Variants in SEC11C observed in about 807,000 individuals in gnomAD.
SEC11C encodes the protein SEC11 homolog C, signal peptidase complex subunit, also known as signal peptidase complex catalytic subunit SEC11C.
In SEC11C, 10 loss-of-function variants were observed where a neutral mutation model predicts 21.9. The ratio of observed to expected loss-of-function variants is 0.46; its 90% CI spans 0.28 to 0.77. The LOEUF (loss-of-function observed/expected upper bound fraction) is 0.77, where lower values mean the gene tolerates loss of function less well. Ranked by LOEUF, SEC11C falls within the 30% of genes least tolerant of loss-of-function variation. SEC11C has a pLI of 0.12. For missense variants in SEC11C, 145 were observed against 244.5 expected (o/e 0.59, Z 2.71); for synonymous variants, 83 against 85.6 (o/e 0.97, Z 0.17).
chr18:59,157,388 A>ACC, intron 4 of SEC11C: 1 of 447,222 alleles, frequency 2.2e-6, no homozygotes, highest in South Asian at 4.3e-5. Flanking sequence ...CACTATCTCA[A>ACC]CCCAAGTGCC....
intron 1 of SEC11C, among the ~76,000 whole-genome samples, chr18:59,143,310 G>A (rs545107158): frequency 2.1e-5 from 3 of 140,480 alleles, no homozygotes; most frequent in African/African-American, 8.2e-5. Flanking sequence ...CAGAGATCGC[G>A]CCATTGCACT....
At chr18:59,145,260 T>C (rs1159496835) in intron 1 of SEC11C, among the ~76,000 whole-genome samples, 1 of 152,226 alleles carries the variant, frequency 6.6e-6, no homozygotes, top group Non-Finnish European at 1.5e-5. Context: ...TTTTACATAT[T>C]GTCTATGGCT....
Position 59,140,002 on chromosome 18 carries a change from C to T in SEC11C, c.54C>T (p.Ile18=), listed in dbSNP as rs1188820098. Residue 18 remains isoleucine (I), a synonymous_variant, in exon 1 of 6, where the codon ATC becomes ATT. Transcript: ENST00000587834. ...ATCTCCCCGCGTCCGGCTTGGATATCTTCGGGGACCTGAAGAAGATGAACA... is the reference window on the plus strand; with the variant it reads ...ATCTCCCCGCGTCCGGCTTGGATATTTTCGGGGACCTGAAGAAGATGAACA... ...GAHLPASGLD[I]FGDLKKMNKR... 6 of 1,593,140 alleles carry T rather than the reference C, an allele frequency of 3.8e-6. No homozygotes were observed. Among genetic ancestry groups the T allele is most frequent in the East Asian group, 2.3e-5 (1 of 43,876 alleles).
intron 2 of SEC11C, among the ~76,000 whole-genome samples, chr18:59,152,328 C>T (rs2144038821): frequency 6.6e-6 from 1 of 152,194 alleles, no homozygotes; most frequent in Non-Finnish European, 1.5e-5. Flanking sequence ...GCAGAGGGTC[C>T]TGTCAGTGCT....
At chr18:59,156,526 G>T (rs913580574) in intron 4 of SEC11C, 1 of 151,914 alleles carries the variant, frequency 6.6e-6, no homozygotes, top group Non-Finnish European at 1.5e-5. Flanking sequence ...CCTGTTTTTC[G>T]CAACTAAAAA....
chr18:59,149,650 T>C, intron 2 of SEC11C, 28 bp downstream of exon 2: 1 of 1,456,594 alleles, frequency 6.9e-7, no homozygotes, highest in Non-Finnish European at 9.6e-7. Flanking sequence ...GCCTCCAGCC[T>C]CCAACCTCCA....
Position 59,158,717 on chromosome 18 carries a change from ATGAAT to A in SEC11C, c.*34_*38del, listed in dbSNP as rs774975261. On this transcript the variant is annotated 3_prime_UTR_variant, in exon 6 of 6. Coordinates refer to ENST00000587834, the MANE Select transcript of SEC11C (RefSeq NM_033280.4). ...AAGCAGTTCCTGGGACCAGATTGAAATGAATTCTGTTGAAAAAGAGAAAAACTAAT... is the reference window on the plus strand; with the variant it reads ...AAGCAGTTCCTGGGACCAGATTGAAATCTGTTGAAAAAGAGAAAAACTAAT... 6.4e-7 allele frequency: 1 copy of A among 1,569,434 alleles called. No individual in the cohort carries two copies. Among genetic ancestry groups the A allele is most frequent in the Non-Finnish European group, 8.8e-7 (1 of 1,139,556 alleles).
At chr18:59,158,018 A>ATG (rs2069437442) in intron 5 of SEC11C, among the ~76,000 whole-genome samples, 1 of 152,096 alleles carries the variant, frequency 6.6e-6, no homozygotes, top group South Asian at 2.1e-4. Flanking sequence ...ATACACATAT[A>ATG]TGTATATATA....
chr18:59,141,058 A>C (rs1309416355), intron 1 of SEC11C, among the ~76,000 whole-genome samples: 1 of 152,132 alleles, frequency 6.6e-6, no homozygotes. Flanking sequence ...TTTTGATGGC[A>C]TCCAGTTTCA....
rs1271330896 is a variant in SEC11C at position 59,152,550 on chromosome 18, C to G, written c.212C>G (p.Pro71Arg). The G allele has an allele frequency of 6.2e-7, 1 of 1,604,374 alleles. No homozygotes were observed. Among genetic ancestry groups the G allele is most frequent in the African/African-American group, 1.3e-5 (1 of 74,308 alleles). The change falls in exon 3 of 6, where the codon CCG (proline) becomes CGG (arginine). Residue 71 changes from proline to arginine, a missense_variant. Physicochemically the swap from Pro to Arg is moderately radical, Grantham distance 103. Transcript: ENST00000587834. ...CTTCTTTCCAGTGGCAGTATGGAGC[C>G]GGCCTTTCACAGAGGAGACCTCCTG... ...IVVVLSGSMEPAFHRGDLLFL... is the reference protein window; with the variant it reads ...IVVVLSGSMERAFHRGDLLFL...
At chr18:59,154,125 C>A (rs145513668) in intron 3 of SEC11C, among the ~76,000 whole-genome samples, 3 of 152,188 alleles carry the variant, frequency 2.0e-5, no homozygotes, top group Non-Finnish European at 4.4e-5. Flanking sequence ...CCTGTACTAA[C>A]GGTTACTTGA....
chr18:59,152,635 T>C lies in SEC11C; in HGVS notation c.297T>C (p.Val99=). 6.2e-7 allele frequency: 1 copy of C among 1,613,644 alleles called. No individual in the cohort carries two copies. The highest frequency in any genetic ancestry group is 1.3e-5 in the African/African-American group (1 of 75,032). The part of the protein sequence containing the change: ...IRAGEIVVFK[V]EGRDIPIVHR... ...CTGGTGAAATAGTTGTTTTTAAAGT[T>C]GAAGGACGAGACATTCCAATAGTTC... The change falls in exon 3 of 6, where the codon GTT becomes GTC. Residue 99 remains valine, a synonymous_variant. Coordinates refer to ENST00000587834, the MANE Select transcript of SEC11C (RefSeq NM_033280.4).
chr18:59,157,721 C>A (rs575137991), intron 5 of SEC11C, 56 bp downstream of exon 5: 2 of 1,205,266 alleles, frequency 1.7e-6, no homozygotes, highest in Non-Finnish European at 2.5e-6. Context: ...GGAGCTTTTA[C>A]TTCTGCAACT....
chr18:59,142,467 T>C lies in SEC11C; in HGVS notation c.87+2432T>C, dbSNP rs572366124. ...TTTGGGGCTTTCCTCATCAGATCTG[T>C]AATTCATAATGAAACAGCGGTTATT... On this transcript the variant is annotated intron_variant, in intron 1 of 5. Transcript: ENST00000587834. Among the ~76,000 whole-genome samples, 25 of 152,318 alleles carry C rather than the reference T, an allele frequency of 1.6e-4. No individual in the cohort carries two copies. The South Asian group carries it at 5.2e-3, about 32-fold the overall frequency.
chr18:59,140,031 G>A lies in SEC11C; in HGVS notation c.83G>A (p.Arg28His). 1 of 1,587,372 alleles carries A rather than the reference G, an allele frequency of 6.3e-7. No homozygotes were observed. The highest frequency in any genetic ancestry group is 2.3e-5 in the East Asian group (1 of 43,710). ...IFGDLKKMNK[R>H]QLYYQVLNFA... ...GGGGACCTGAAGAAGATGAACAAGC[G>A]CCAGGTGACGGAGGAGGGTGGTGAG... Residue 28 changes from arginine to histidine, a missense_variant, in exon 1 of 6, where the codon CGC (arginine) becomes CAC (histidine). By Grantham distance (29) the Arg-to-His change is conservative (BLOSUM62 0). Coordinates refer to ENST00000587834, the MANE Select transcript of SEC11C (RefSeq NM_033280.4).
intron 2 of SEC11C, among the ~76,000 whole-genome samples, chr18:59,152,072 G>T (rs2069361286): frequency 6.6e-6 from 1 of 152,060 alleles, no homozygotes; most frequent in Non-Finnish European, 1.5e-5. Flanking sequence ...ATCAGGGCGG[G>T]TCCTGCTCCC....
chr18:59,142,122 AGGATT>A (rs1238295289), intron 1 of SEC11C, among the ~76,000 whole-genome samples: 6 of 152,144 alleles, frequency 3.9e-5, no homozygotes, highest in Non-Finnish European at 8.8e-5. Context: ...TCTGGATTCC[AGGATT>A]TTATGCCTAG....
chr18:59,151,114 A>T (rs958988815), intron 2 of SEC11C, among the ~76,000 whole-genome samples: 17 of 151,982 alleles, frequency 1.1e-4, no homozygotes, highest in Admixed American at 9.2e-4. Flanking sequence ...ATTGAAAAGA[A>T]CTCCTCTCCT....
chr18:59,151,648 G>A (rs1190099262), intron 2 of SEC11C, among the ~76,000 whole-genome samples: 3 of 152,098 alleles, frequency 2.0e-5, no homozygotes, highest in African/African-American at 4.8e-5. Context: ...CCAGCTTCCC[G>A]AACTCCTGTT....
Sources: allele counts gnomAD v4.1 joint callset (sites outside exome capture counted in the v4.1 genomes callset), GRCh38; gene constraint gnomAD v4.1.1; transcripts MANE v1.5; gene names NCBI Gene and HGNC (gene_info 2026-07-23, HGNC 2026-07-21).